Variants in GPC5 observed in about 807,000 individuals in gnomAD.
The protein encoded by GPC5 is glypican 5, also known as glypican-5.
A neutral mutation model predicts 53.9 loss-of-function variants in GPC5; 47 were observed. The observed-to-expected ratio is 0.87, with a 90% CI of 0.69 to 1.11. The LOEUF (loss-of-function observed/expected upper bound fraction) is 1.11, where lower values mean the gene tolerates loss of function less well. Ranked by LOEUF, GPC5 falls within the 50% of genes most tolerant of loss-of-function variation. The pLI is 0.00. For synonymous variants in GPC5, 286 were observed against 263.3 expected, an observed-to-expected ratio of 1.09 and a Z score of -0.84; for missense variants, 748 against 713.1, an observed-to-expected ratio of 1.05 and a Z score of -0.56.
intron 2 of GPC5, among the ~76,000 whole-genome samples, chr13:91,552,092 C>A (rs898801694): frequency 2.6e-5 from 4 of 151,948 alleles, no homozygotes; most frequent in Admixed American, 6.6e-5. Context: ...CTATTATAAT[C>A]ATTGTGAACA....
chr13:92,742,084 C>T (rs1163989894), intron 7 of GPC5, among the ~76,000 whole-genome samples: 1 of 151,572 alleles, frequency 6.6e-6, no homozygotes, highest in Non-Finnish European at 1.5e-5. Context: ...ATTTATAGTC[C>T]TTTGGGTATA....
At chr13:91,411,257 T>C (rs1877758688) in intron 1 of GPC5, among the ~76,000 whole-genome samples, 1 of 152,268 alleles carries the variant, frequency 6.6e-6, no homozygotes, top group Non-Finnish European at 1.5e-5. Context: ...ATAGATTCTC[T>C]AATGTCTGAT....
chr13:91,604,367 G>A (rs1336653114), intron 2 of GPC5, among the ~76,000 whole-genome samples: 1 of 150,942 alleles, frequency 6.6e-6, no homozygotes, highest in Non-Finnish European at 1.5e-5. Context: ...GGACATTTGG[G>A]TTGGTTCCAA....
intron 6 of GPC5, among the ~76,000 whole-genome samples, chr13:92,122,121 G>A (rs1333340921): frequency 6.6e-6 from 1 of 152,094 alleles, no homozygotes; most frequent in African/African-American, 2.4e-5. Flanking sequence ...TTTTACAGAT[G>A]CAGATCAAGC....
chr13:91,560,246 A>G (rs2031184762), intron 2 of GPC5, among the ~76,000 whole-genome samples: 1 of 152,136 alleles, frequency 6.6e-6, no homozygotes, highest in African/African-American at 2.4e-5. Context: ...TATCTCCTAC[A>G]AGGTTCTGTG....
intron 6 of GPC5, among the ~76,000 whole-genome samples, chr13:92,007,761 C>T (rs527537429): frequency 2.0e-4 from 31 of 152,196 alleles, no homozygotes; most frequent in African/African-American, 6.5e-4. Flanking sequence ...TCTGTTCTAG[C>T]TTGTTCTTTT....
chr13:92,296,129 C>G (rs184512881), intron 7 of GPC5, among the ~76,000 whole-genome samples: 26 of 152,254 alleles, frequency 1.7e-4, no homozygotes, highest in Admixed American at 1.4e-3. Flanking sequence ...GTCTGTAGGT[C>G]TCTCAGCCAT....
chr13:92,140,625 A>G (rs1178867275), intron 6 of GPC5, among the ~76,000 whole-genome samples: 1 of 152,194 alleles, frequency 6.6e-6, no homozygotes, highest in Non-Finnish European at 1.5e-5. Flanking sequence ...GACACATGTC[A>G]TGTTGGGAAC....
At chr13:92,338,205 G>A (rs567554348) in intron 7 of GPC5, among the ~76,000 whole-genome samples, 2 of 152,084 alleles carry the variant, frequency 1.3e-5, no homozygotes, top group East Asian at 3.9e-4. Flanking sequence ...GCACATTTTA[G>A]ATCATCAGGC....
At chr13:92,044,586 CAT>C (rs2040966887) in intron 6 of GPC5, among the ~76,000 whole-genome samples, 1 of 152,220 alleles carries the variant, frequency 6.6e-6, no homozygotes, top group African/African-American at 2.4e-5. Context: ...ATTGGCAAAA[CAT>C]AAAACCGGGC....
intron 5 of GPC5, among the ~76,000 whole-genome samples, chr13:91,872,511 A>C (rs2039157429): frequency 6.6e-6 from 1 of 152,176 alleles, no homozygotes; most frequent in Non-Finnish European, 1.5e-5. Context: ...ATAGAACCTG[A>C]AAAATTTCAT....
intron 6 of GPC5, among the ~76,000 whole-genome samples, chr13:91,955,162 A>C (rs1321945705): frequency 6.6e-6 from 1 of 152,318 alleles, no homozygotes; most frequent in South Asian, 2.1e-4. Flanking sequence ...CCAAAAATTA[A>C]TCTGGATATT....
intron 7 of GPC5, among the ~76,000 whole-genome samples, chr13:92,398,755 CT>C (rs895595741): frequency 4.5e-4 from 69 of 152,020 alleles, no homozygotes; most frequent in African/African-American, 1.3e-3. Flanking sequence ...CGAATAAAAC[CT>C]TTTTTTTCTA....
At chr13:91,690,888 G>A (rs970622802) in intron 2 of GPC5, among the ~76,000 whole-genome samples, 53 of 151,982 alleles carry the variant, frequency 3.5e-4, no homozygotes. Flanking sequence ...TGTGATATAG[G>A]GTATCTTTGA....
At chr13:92,278,409 G>T (rs1014320234) in intron 7 of GPC5, among the ~76,000 whole-genome samples, 2 of 152,022 alleles carry the variant, frequency 1.3e-5, no homozygotes, top group Admixed American at 6.6e-5. Flanking sequence ...AGACATAGTT[G>T]TGACTAACAA....
chr13:91,678,449 C>A (rs342686), intron 2 of GPC5, among the ~76,000 whole-genome samples: 30,482 of 151,930 alleles, frequency 0.2, 3,866 homozygotes, highest in African/African-American at 0.36. Flanking sequence ...CTAACAGAAA[C>A]AAATGGATAT....
At chr13:92,107,767 A>C (rs1176419623) in intron 6 of GPC5, among the ~76,000 whole-genome samples, 1 of 152,202 alleles carries the variant, frequency 6.6e-6, no homozygotes, top group Non-Finnish European at 1.5e-5. Flanking sequence ...AATAAAATGT[A>C]ACACATTGAC....
intron 7 of GPC5, among the ~76,000 whole-genome samples, chr13:92,778,101 A>G (rs961682984): frequency 6.6e-6 from 1 of 152,238 alleles, no homozygotes; most frequent in African/African-American, 2.4e-5. Context: ...TGACACTGAA[A>G]GAGCATATTT....
chr13:92,840,074 CATACATATATATATAT>C (rs1878372244), intron 7 of GPC5, among the ~76,000 whole-genome samples: 2 of 72,122 alleles, frequency 2.8e-5, no homozygotes, highest in African/African-American at 5.3e-5. Flanking sequence ...TTCATATATA[CATACATATATATATAT>C]ATATATATAT....
Sources: gnomAD v4.1 joint callset for allele counts (sites outside exome capture counted in the v4.1 genomes callset) on GRCh38, gnomAD v4.1.1 for gene constraint, MANE v1.5 for transcripts, NCBI Gene and HGNC (gene_info 2026-07-23, HGNC 2026-07-21) for gene names.